The following GALNT13 variants were observed in gnomAD, a reference collection of about 807,000 sequenced individuals.
The protein encoded by GALNT13 is polypeptide N-acetylgalactosaminyltransferase 13, also known as UDP-GalNAc:polypeptide N-acetylgalactosaminyltransferase 13.
GALNT13 carries 28 observed loss-of-function variants against 64.2 expected under a neutral mutation model. The observed-to-expected ratio is 0.44, with a 90% CI of 0.32 to 0.60. The LOEUF (loss-of-function observed/expected upper bound fraction) is 0.60, where lower values mean the gene tolerates loss of function less well. Ranked by LOEUF, GALNT13 falls within the 20% of genes least tolerant of loss-of-function variation. GALNT13 has a pLI of 0.05. For missense variants in GALNT13, 577 were observed against 669.8 expected (o/e 0.86, Z 1.53); for synonymous variants, 214 against 224.6 (o/e 0.95, Z 0.42).
chr2:153,388,426 G>A, the GALNT13 span, among the ~76,000 whole-genome samples: 41 of 152,212 alleles, frequency 2.7e-4, no homozygotes, highest in African/African-American at 9.4e-4. Context: ...CTAAGGCAGA[G>A]AGGCATGCTG....
At chr2:153,146,192 A>C in the GALNT13 span, among the ~76,000 whole-genome samples, 1 of 148,850 alleles carries the variant, frequency 6.7e-6, no homozygotes. Flanking sequence ...TTTTCCAATG[A>C]CCCTTCTTCC....
At chr2:153,264,036 G>C in the GALNT13 span, among the ~76,000 whole-genome samples, 1 of 152,134 alleles carries the variant, frequency 6.6e-6, no homozygotes, top group Non-Finnish European at 1.5e-5. Context: ...GAAAATTTTT[G>C]CAATCTATCC....
At chr2:153,417,415 T>A in the GALNT13 span, among the ~76,000 whole-genome samples, 4 of 152,084 alleles carry the variant, frequency 2.6e-5, no homozygotes, top group African/African-American at 9.7e-5. Flanking sequence ...GATTGATAGG[T>A]TAAGAATAAA....
At position 153,954,991 on chromosome 2, in the gene GALNT13, G is replaced by GT. The variant is rs201183304; in HGVS notation, c.142+10353dup. Reference sequence around the variant, plus strand: ...AGAAAGAGGTGGCCACTGACTTCGGGTAAAAAAAAAAAAGTCTTATTTAAT... The same window carrying GT: ...AGAAAGAGGTGGCCACTGACTTCGGGTTAAAAAAAAAAAAGTCTTATTTAAT... On this transcript the variant is annotated intron_variant, in intron 3 of 12. Transcript: ENST00000392825. Among the ~76,000 whole-genome samples the GT allele has an allele frequency of 6.8e-3, 1,030 of 150,858 alleles. 13 individuals carry two copies. Among genetic ancestry groups the GT allele is most frequent in the African/African-American group, 0.024 (1,003 of 41,108 alleles).
intron 8 of GALNT13, 27 bp downstream of exon 8, chr2:154,259,165 A>G (rs1690552340): frequency 3.3e-6 from 4 of 1,227,948 alleles, no homozygotes; most frequent in Non-Finnish European, 4.8e-6. Context: ...TTATTTTTTG[A>G]TGCTGAACAT....
chr2:153,288,728 A>G, the GALNT13 span, among the ~76,000 whole-genome samples: 2 of 152,110 alleles, frequency 1.3e-5, no homozygotes, highest in African/African-American at 4.8e-5. Context: ...TGTTCATCCT[A>G]CTCTGCCTGA....
chr2:153,505,038 G>T, the GALNT13 span, among the ~76,000 whole-genome samples: 1 of 151,908 alleles, frequency 6.6e-6, no homozygotes, highest in Admixed American at 6.6e-5. Context: ...CAATTTTTTA[G>T]TTCCCATTTC....
At chr2:153,265,449 G>A in the GALNT13 span, among the ~76,000 whole-genome samples, 1 of 152,120 alleles carries the variant, frequency 6.6e-6, no homozygotes, top group South Asian at 2.1e-4. Context: ...ACTGTGACAG[G>A]GCAGCACTGA....
chr2:153,261,491 T>C, the GALNT13 span, among the ~76,000 whole-genome samples: 166 of 152,246 alleles, frequency 1.1e-3, 3 homozygotes, highest in East Asian at 0.029. Flanking sequence ...GATTACCAGG[T>C]AGAGACTCTT....
At chr2:154,083,033 T>C (rs1701353512) in intron 3 of GALNT13, among the ~76,000 whole-genome samples, 1 of 152,132 alleles carries the variant, frequency 6.6e-6, no homozygotes, top group Non-Finnish European at 1.5e-5. Flanking sequence ...TCTAAGGTTT[T>C]TGTGGTTTTA....
the GALNT13 span, among the ~76,000 whole-genome samples, chr2:153,242,795 C>T: frequency 6.6e-6 from 1 of 152,200 alleles, no homozygotes; most frequent in African/African-American, 2.4e-5. Flanking sequence ...TAATTATTAA[C>T]AGCCTGGGAC....
At chr2:154,014,211 CCTT>C (rs1307172667) in intron 3 of GALNT13, among the ~76,000 whole-genome samples, 2 of 152,188 alleles carry the variant, frequency 1.3e-5, no homozygotes, top group Non-Finnish European at 2.9e-5. Flanking sequence ...CCCCGACAAA[CCTT>C]CTGAGCTATG....
chr2:153,901,997 T>C (rs1688267686), intron 2 of GALNT13, among the ~76,000 whole-genome samples: 1 of 152,120 alleles, frequency 6.6e-6, no homozygotes, highest in East Asian at 1.9e-4. Context: ...TTTATTATCT[T>C]CAGATGTGTA....
chr2:153,650,721 A>T, the GALNT13 span, among the ~76,000 whole-genome samples: 1 of 152,166 alleles, frequency 6.6e-6, no homozygotes, highest in African/African-American at 2.4e-5. Context: ...TTCACTTAGA[A>T]GCTTAGTTTG....
the GALNT13 span, among the ~76,000 whole-genome samples, chr2:153,643,842 A>G: frequency 6.6e-6 from 1 of 152,072 alleles, no homozygotes; most frequent in African/African-American, 2.4e-5. Flanking sequence ...TATCATTTCA[A>G]TCTATGCAGA....
chr2:153,490,632 C>A, the GALNT13 span, among the ~76,000 whole-genome samples: 1 of 151,974 alleles, frequency 6.6e-6, no homozygotes, highest in South Asian at 2.1e-4. Context: ...AGGACAATAC[C>A]AAAATAAACC....
the GALNT13 span, among the ~76,000 whole-genome samples, chr2:153,153,924 T>C: frequency 2.0e-5 from 3 of 152,134 alleles, no homozygotes; most frequent in African/African-American, 7.2e-5. Context: ...TCTTTTCCAA[T>C]TCTGTGAAGA....
At chr2:153,884,803 A>ATGTGTGTGTGTGTG (rs764301374) in intron 1 of GALNT13, among the ~76,000 whole-genome samples, 1 of 132,852 alleles carries the variant, frequency 7.5e-6, no homozygotes, top group Non-Finnish European at 1.5e-5. Context: ...GTATATATAT[A>ATGTGTGTGTGTGTG]TATGTGTGTG....
chr2:153,099,006 G>A, the GALNT13 span, among the ~76,000 whole-genome samples: 1 of 151,980 alleles, frequency 6.6e-6, no homozygotes, highest in Non-Finnish European at 1.5e-5. Flanking sequence ...GCTGTAGTTC[G>A]AGCTACTCCG....
Sources: gnomAD v4.1 joint callset for allele counts (sites outside exome capture counted in the v4.1 genomes callset) on GRCh38, gnomAD v4.1.1 for gene constraint, MANE v1.5 for transcripts, NCBI Gene and HGNC (gene_info 2026-07-23, HGNC 2026-07-21) for gene names.